Variants in HTR4 observed in about 807,000 individuals in gnomAD.
HTR4 encodes 5-hydroxytryptamine receptor 4.
HTR4 carries 16 observed loss-of-function variants against 36.8 expected under a neutral mutation model. The ratio of observed to expected loss-of-function variants is 0.43; its 90% confidence interval spans 0.29 to 0.66. The LOEUF (loss-of-function observed/expected upper bound fraction) is 0.66, where lower values mean the gene tolerates loss of function less well. Ranked by LOEUF, HTR4 falls within the 30% of genes least tolerant of loss-of-function variation. The probability of loss-of-function intolerance (pLI) is 0.13; values close to 1 mark genes in which losing one functional copy is unlikely to be tolerated. For synonymous variants in HTR4, 189 were observed against 185.1 expected (o/e 1.02, Z -0.17); for missense variants, 438 against 490.9 (o/e 0.89, Z 1.02).
intron 2 of HTR4, among the ~76,000 whole-genome samples, chr5:148,622,361 C>A (rs1038660796): frequency 6.6e-6 from 1 of 152,170 alleles, no homozygotes; most frequent in Non-Finnish European, 1.5e-5. Flanking sequence ...CAGCCCTATC[C>A]TGATGGGTAA....
At chr5:148,520,911 T>G (rs200217658) in intron 5 of HTR4, 44 of 1,367,676 alleles carry the variant, frequency 3.2e-5, no homozygotes, top group Non-Finnish European at 4.1e-5. Flanking sequence ...GGAATACTTG[T>G]TCTGACATAC....
intron 4 of HTR4, among the ~76,000 whole-genome samples, chr5:148,528,783 A>T (rs1227020357): frequency 6.6e-6 from 1 of 152,100 alleles, no homozygotes; most frequent in African/African-American, 2.4e-5. Context: ...CACCACCACT[A>T]GACAGAATTA....
intron 2 of HTR4, among the ~76,000 whole-genome samples, chr5:148,571,929 C>T (rs2113882522): frequency 6.6e-6 from 1 of 152,190 alleles, no homozygotes; most frequent in Non-Finnish European, 1.5e-5. Context: ...TCTAATTTGA[C>T]AATATTTGCA....
intron 6 of HTR4, among the ~76,000 whole-genome samples, chr5:148,509,099 T>C (rs911114940): frequency 6.6e-6 from 1 of 152,226 alleles, no homozygotes; most frequent in Non-Finnish European, 1.5e-5. Flanking sequence ...TGTCAGGCTC[T>C]GTACCGTGCA....
intron 5 of HTR4, among the ~76,000 whole-genome samples, chr5:148,460,510 A>C (rs562142611): frequency 1.3e-5 from 2 of 152,268 alleles, no homozygotes; most frequent in Non-Finnish European, 2.9e-5. Context: ...GAGGAAAAAA[A>C]AATGGCAACC....
At chr5:148,485,080 A>C (rs1756086355) in intron 6 of HTR4, among the ~76,000 whole-genome samples, 1 of 152,056 alleles carries the variant, frequency 6.6e-6, no homozygotes, top group Admixed American at 6.6e-5. Flanking sequence ...AGAGGGAAGA[A>C]AGAAAATAAG....
intron 4 of HTR4, among the ~76,000 whole-genome samples, chr5:148,535,273 C>G (rs948588324): frequency 7.9e-5 from 12 of 152,296 alleles, no homozygotes; most frequent in Admixed American, 3.3e-4. Flanking sequence ...TACCCACATA[C>G]AGAGATGAGA....
chr5:148,505,332 G>C (rs1182672078), intron 6 of HTR4, among the ~76,000 whole-genome samples: 2 of 152,020 alleles, frequency 1.3e-5, no homozygotes, highest in Non-Finnish European at 2.9e-5. Context: ...GCCCTTCATG[G>C]TAAAAACTCT....
rs953496695 is a variant in HTR4 at position 148,620,410 on chromosome 5, G to T, written c.26+16579C>A. Among the ~76,000 whole-genome samples the T allele has an allele frequency of 2.6e-5, 4 of 152,198 alleles. 1 individual carries two copies. The South Asian group carries it at 6.2e-4, about 24-fold the overall frequency. ...TGGTGACCCACTTGAGTAATTTGCT[G>T]ACCTTGGAATGTATGTTCTAGAACT... On this transcript the variant is annotated intron_variant, in intron 2 of 6. Coordinates refer to ENST00000377888, the MANE Select transcript of HTR4 (RefSeq NM_000870.7).
intron 4 of HTR4, among the ~76,000 whole-genome samples, chr5:148,528,069 G>A (rs1758368726): frequency 6.6e-6 from 1 of 152,190 alleles, no homozygotes; most frequent in South Asian, 2.1e-4. Flanking sequence ...AGGATCTAGG[G>A]TGGTTAGGCA....
intron 6 of HTR4, among the ~76,000 whole-genome samples, chr5:148,500,562 C>T (rs967118973): frequency 6.6e-6 from 1 of 151,368 alleles, no homozygotes; most frequent in Non-Finnish European, 1.5e-5. Context: ...AAAAGTTAAC[C>T]AAAGTTAAAA....
At chr5:148,607,932 G>A (rs781404065) in intron 2 of HTR4, among the ~76,000 whole-genome samples, 59 of 152,162 alleles carry the variant, frequency 3.9e-4, no homozygotes, top group Non-Finnish European at 7.8e-4. Context: ...TGGCAATGTC[G>A]TATACTGCCA....
intron 2 of HTR4, among the ~76,000 whole-genome samples, chr5:148,622,585 C>G (rs1409673389): frequency 1.3e-5 from 2 of 152,188 alleles, no homozygotes; most frequent in African/African-American, 2.4e-5. Flanking sequence ...TTAAGCAAAA[C>G]TTACAGATTC....
intron 2 of HTR4, among the ~76,000 whole-genome samples, chr5:148,559,060 C>T (rs1040000386): frequency 6.6e-6 from 1 of 152,204 alleles, no homozygotes; most frequent in African/African-American, 2.4e-5. Flanking sequence ...TGGGCAAAGT[C>T]ATCTGGCAGC....
At chr5:148,653,966 C>A (rs1224547711) in intron 1 of HTR4, 96 bp downstream of exon 1, 7 of 802,826 alleles carry the variant, frequency 8.7e-6, no homozygotes, top group Middle Eastern at 6.3e-4. Flanking sequence ...AACCCCCAAG[C>A]CCCCGACCCC....
At chr5:148,622,066 CTTGTAATAA>C (rs1752936947) in intron 2 of HTR4, among the ~76,000 whole-genome samples, 1 of 152,126 alleles carries the variant, frequency 6.6e-6, no homozygotes, top group Admixed American at 6.5e-5. Flanking sequence ...CTGACTGCCT[CTTGTAATAA>C]TTGCTCCAAA....
intron 5 of HTR4, among the ~76,000 whole-genome samples, chr5:148,465,269 T>C (rs534046226): frequency 1.3e-5 from 2 of 152,234 alleles, no homozygotes; most frequent in South Asian, 4.2e-4. Flanking sequence ...GGTTCATCAG[T>C]TGTAACTAAT....
rs990213110 is a variant in HTR4 at position 148,581,033 on chromosome 5, T to C, written c.27-30771A>G. ...CCAACATTTGCTGTCTTTTTTTTTT[T>C]AATAATAGCCATCCTATCAGGTGTG... On this transcript the variant is annotated intron_variant, in intron 2 of 6. Transcript: ENST00000377888. Among the ~76,000 whole-genome samples the C allele has an allele frequency of 3.4e-5, 5 of 147,714 alleles. No individual in the cohort carries two copies. The South Asian group carries it at 1.1e-3, about 32-fold the overall frequency.
intron 4 of HTR4, among the ~76,000 whole-genome samples, chr5:148,540,780 G>A (rs1483536878): frequency 6.6e-6 from 1 of 152,000 alleles, no homozygotes; most frequent in Admixed American, 6.6e-5. Context: ...AGAGGTGCAA[G>A]TGAAGCCATG....
Sources: gnomAD v4.1 joint callset for allele counts (sites outside exome capture counted in the v4.1 genomes callset) on GRCh38, gnomAD v4.1.1 for gene constraint, MANE v1.5 for transcripts, NCBI Gene and HGNC (gene_info 2026-07-23, HGNC 2026-07-21) for gene names.